CLSTN2: variants seen among roughly 807,000 people sequenced by gnomAD.
CLSTN2 encodes calsyntenin-2.
CLSTN2 carries 48 observed loss-of-function variants against 101.2 expected under a neutral mutation model. The observed-to-expected ratio is 0.47, with a 90% CI of 0.38 to 0.60. The LOEUF is 0.60. Ranked by LOEUF, CLSTN2 falls within the 20% of genes least tolerant of loss-of-function variation. The probability of loss-of-function intolerance (pLI) is 0.00; values close to 1 mark genes in which losing one functional copy is unlikely to be tolerated. For synonymous variants in CLSTN2, 481 were observed against 463.6 expected, an observed-to-expected ratio of 1.04 and a Z score of -0.48; for missense variants, 1,160 against 1,238.2, an observed-to-expected ratio of 0.94 and a Z score of 0.95.
chr3:140,549,821 T>C (rs1270565679), intron 10 of CLSTN2, among the ~76,000 whole-genome samples: 1 of 150,578 alleles, frequency 6.6e-6, no homozygotes, highest in Admixed American at 6.7e-5. Context: ...TGAGGCCCTT[T>C]TGTGATTAAG....
At chr3:140,469,904 G>A (rs974486660) in intron 8 of CLSTN2, among the ~76,000 whole-genome samples, 2 of 152,130 alleles carry the variant, frequency 1.3e-5, no homozygotes, top group Non-Finnish European at 2.9e-5. Flanking sequence ...TCATTTTATT[G>A]AGCATTTTAA....
At chr3:140,475,439 G>C (rs1233511341) in intron 8 of CLSTN2, among the ~76,000 whole-genome samples, 1 of 152,138 alleles carries the variant, frequency 6.6e-6, no homozygotes, top group Non-Finnish European at 1.5e-5. Flanking sequence ...TCCTTGAAGA[G>C]CTGATTTCTC....
intron 1 of CLSTN2, among the ~76,000 whole-genome samples, chr3:140,172,435 G>GGAA (rs1484491842): frequency 1.3e-5 from 2 of 152,054 alleles, no homozygotes; most frequent in Non-Finnish European, 2.9e-5. Flanking sequence ...ACATAGAAGG[G>GGAA]GAAGGATTTG....
At chr3:140,448,439 A>T (rs1173489790) in intron 5 of CLSTN2, 80 bp from the exon 6 acceptor site, 2 of 1,229,062 alleles carry the variant, frequency 1.6e-6, no homozygotes, top group Non-Finnish European at 2.3e-6. Context: ...TCGTTGGAAC[A>T]AATTCACATT....
At position 140,525,280 on chromosome 3, in the gene CLSTN2, T is replaced by G. The variant is rs529738459; in HGVS notation, c.1345-7044T>G. ...AGATGACATTACAATCAATCCCACATAAAGCAAAAGATCCTCAGAGACCAT... is the reference window on the plus strand; with the variant it reads ...AGATGACATTACAATCAATCCCACAGAAAGCAAAAGATCCTCAGAGACCAT... On this transcript the variant is annotated intron_variant, in intron 8 of 16. Coordinates refer to ENST00000458420, the MANE Select transcript of CLSTN2 (RefSeq NM_022131.3). Among the ~76,000 whole-genome samples the G allele has an allele frequency of 3.3e-5, 5 of 152,128 alleles. No individual in the cohort carries two copies. In the East Asian group the frequency reaches 9.7e-4, roughly 29 times the overall value.
chr3:140,289,723 G>T (rs901498559), intron 2 of CLSTN2, among the ~76,000 whole-genome samples: 1 of 151,888 alleles, frequency 6.6e-6, no homozygotes, highest in African/African-American at 2.4e-5. Context: ...TCTGTATGAG[G>T]GCTCAGAGTT....
intron 3 of CLSTN2, 63 bp downstream of exon 3, chr3:140,403,887 C>A: frequency 1.5e-6 from 2 of 1,298,426 alleles, no homozygotes; most frequent in Non-Finnish European, 2.2e-6. Flanking sequence ...ACTTCATTCA[C>A]ATGCTGCTCT....
intron 10 of CLSTN2, among the ~76,000 whole-genome samples, chr3:140,550,839 A>C (rs1935687056): frequency 6.6e-6 from 1 of 150,940 alleles, no homozygotes; most frequent in South Asian, 2.1e-4. Flanking sequence ...TTTATAACCA[A>C]GCTTGGTTAT....
At position 140,362,133 on chromosome 3, in the gene CLSTN2, A is replaced by T. The variant is rs184815530; in HGVS notation, c.233-41496A>T. 4.6e-5 allele frequency among the ~76,000 whole-genome samples: 7 copies of T among 152,336 alleles called. No individual in the cohort carries two copies. In the East Asian group the frequency reaches 1.2e-3, roughly 25 times the overall value. ...TAAAACAGGAGTAAAGATCAACGGA[A>T]CAGAAATAAGAGTCTACAAATAAAC... On this transcript the variant is annotated intron_variant, in intron 2 of 16. Transcript: ENST00000458420.
At chr3:140,159,768 C>T (rs1379682491) in intron 1 of CLSTN2, among the ~76,000 whole-genome samples, 1 of 152,088 alleles carries the variant, frequency 6.6e-6, no homozygotes, top group Non-Finnish European at 1.5e-5. Flanking sequence ...AACCCAGTTG[C>T]CTATCAACAG....
intron 4 of CLSTN2, among the ~76,000 whole-genome samples, chr3:140,411,469 C>T (rs2088362767): frequency 6.6e-6 from 1 of 152,142 alleles, no homozygotes; most frequent in South Asian, 2.1e-4. Context: ...GACAACAATA[C>T]AAGAATAGTA....
chr3:140,273,027 A>T (rs2086758452), intron 2 of CLSTN2, among the ~76,000 whole-genome samples: 1 of 152,196 alleles, frequency 6.6e-6, no homozygotes, highest in African/African-American at 2.4e-5. Context: ...CAGACAAAGA[A>T]GCACCCAAGA....
At chr3:140,498,891 G>A (rs568676167) in intron 8 of CLSTN2, among the ~76,000 whole-genome samples, 40 of 151,104 alleles carry the variant, frequency 2.6e-4, no homozygotes, top group African/African-American at 9.5e-4. Flanking sequence ...ATCCAAGATT[G>A]TACAAAGACA....
chr3:139,969,652 TTCACTTAGACCCTGTC>T (rs1935660993), intron 1 of CLSTN2, among the ~76,000 whole-genome samples: 2 of 152,302 alleles, frequency 1.3e-5, no homozygotes, highest in South Asian at 4.1e-4. Flanking sequence ...CGTGAGTGTC[TTCACTTAGACCCTGTC>T]TGCTCTCCTG....
At chr3:140,469,139 T>G (rs1933776371) in intron 8 of CLSTN2, among the ~76,000 whole-genome samples, 1 of 152,206 alleles carries the variant, frequency 6.6e-6, no homozygotes, top group African/African-American at 2.4e-5. Flanking sequence ...CCTTTTGACC[T>G]CATTTAACCT....
chr3:140,341,030 G>A lies in CLSTN2; in HGVS notation c.233-62599G>A, dbSNP rs546545664. On this transcript the variant is annotated intron_variant, in intron 2 of 16. Coordinates refer to ENST00000458420, the MANE Select transcript of CLSTN2 (RefSeq NM_022131.3). ...AGGTACTTGACTTACCACTGTCGAC[G>A]TTGACCTTGACCACCTGGTTGAGGT... 2.2e-4 allele frequency among the ~76,000 whole-genome samples: 33 copies of A among 152,300 alleles called. 1 individual carries two copies. Among genetic ancestry groups the A allele is most frequent in the Admixed American group, 3.9e-4 (6 of 15,302 alleles).
At chr3:140,380,512 T>C (rs746655013) in intron 2 of CLSTN2, among the ~76,000 whole-genome samples, 5 of 152,184 alleles carry the variant, frequency 3.3e-5, no homozygotes, top group Non-Finnish European at 7.3e-5. Flanking sequence ...TTCATCCAAG[T>C]TTTGGAAACA....
At chr3:140,310,266 T>A (rs1260125614) in intron 2 of CLSTN2, among the ~76,000 whole-genome samples, 1 of 151,982 alleles carries the variant, frequency 6.6e-6, no homozygotes, top group Non-Finnish European at 1.5e-5. Flanking sequence ...AACTGGCCCA[T>A]AGGCGCCCCC....
intron 1 of CLSTN2, among the ~76,000 whole-genome samples, chr3:140,128,126 T>C (rs2009465778): frequency 6.6e-6 from 1 of 152,242 alleles, no homozygotes; most frequent in African/African-American, 2.4e-5. Context: ...TGCATTTGTA[T>C]ATTTTTCTAG....
Sources: allele counts gnomAD v4.1 joint callset (sites outside exome capture counted in the v4.1 genomes callset), GRCh38; gene constraint gnomAD v4.1.1; transcripts MANE v1.5; gene names NCBI Gene and HGNC (gene_info 2026-07-23, HGNC 2026-07-21).